The following NBEA variants were observed in gnomAD, a reference collection of about 807,000 sequenced individuals.
NBEA encodes the protein lysosomal-trafficking regulator 2.
In NBEA, 44 loss-of-function variants were observed where a neutral mutation model predicts 343.4. The observed-to-expected ratio is 0.13, with a 90% confidence interval of 0.10 to 0.16. NBEA has a LOEUF of 0.16. Among genes scored for constraint, NBEA ranks in the 10% least tolerant of loss-of-function variants. The pLI is 1.00. For missense variants in NBEA, 2,555 were observed against 3,631.3 expected, an observed-to-expected ratio of 0.70 and a Z score of 7.62; for synonymous variants, 1,175 against 1,238.7, an observed-to-expected ratio of 0.95 and a Z score of 1.08.
chr13:35,129,735 T>C (rs1342763463), intron 17 of NBEA, among the ~76,000 whole-genome samples: 1 of 152,046 alleles, frequency 6.6e-6, no homozygotes, highest in Non-Finnish European at 1.5e-5. Flanking sequence ...ACAAAATTGA[T>C]GAAAGACCTG....
chr13:34,986,643 TC>T lies in NBEA; in HGVS notation c.294+43530del, dbSNP rs2060558660. On this transcript the variant is annotated intron_variant, in intron 1 of 58. Coordinates refer to ENST00000379939, the MANE Select transcript of NBEA (RefSeq NM_001385012.1). ...TAATATTGACAGTAGGGTGTTAAAG[TC>T]TCCCATTATTATTGTGTGGGAGTCT... Among the ~76,000 whole-genome samples the T allele has an allele frequency of 1.3e-5, 2 of 150,818 alleles. 1 individual carries two copies. The highest frequency in any genetic ancestry group is 3.0e-5 in the Non-Finnish European group (2 of 67,382).
rs550344611 is a variant in NBEA, at chr13:35,672,057, G to C, written c.*1066G>C. 6.6e-6 allele frequency: 1 copy of C among 152,474 alleles called. No homozygotes were observed. The highest frequency in any genetic ancestry group is 2.4e-5 in the African/African-American group (1 of 41,422). The allele number at this position is 152,474 out of a possible 1,614,324, so 9.4% of individuals were successfully genotyped here. On this transcript the variant is annotated 3_prime_UTR_variant, in exon 59 of 59. Transcript: ENST00000379939. ...ACTGAAGTTATTCTTTTAGGTTCTC[G>C]TGAAATTCTCACTGAAAGCCACATT...
intron 7 of NBEA, among the ~76,000 whole-genome samples, chr13:35,058,345 T>G (rs1199500685): frequency 6.6e-6 from 1 of 152,180 alleles, no homozygotes; most frequent in Non-Finnish European, 1.5e-5. Context: ...AGTCATTCCC[T>G]TGATTCAGAT....
chr13:34,990,508 G>A (rs1390732489), intron 1 of NBEA, among the ~76,000 whole-genome samples: 2 of 151,028 alleles, frequency 1.3e-5, no homozygotes, highest in Non-Finnish European at 3.0e-5. Context: ...GCTGGAGCTG[G>A]AGAAGCTAGG....
intron 33 of NBEA, among the ~76,000 whole-genome samples, chr13:35,223,370 T>A (rs1049611030): frequency 2.6e-5 from 4 of 152,182 alleles, no homozygotes; most frequent in Admixed American, 2.6e-4. Context: ...AAGGTCTTTA[T>A]TTTACCATCT....
In NBEA at chr13:35,672,059, G is replaced by A. The variant is rs2085636535; in HGVS notation, c.*1068G>A. ...TGAAGTTATTCTTTTAGGTTCTCGT[G>A]AAATTCTCACTGAAAGCCACATTCT... On this transcript the variant is annotated 3_prime_UTR_variant, in exon 59 of 59. Transcript: ENST00000379939. 1 of 152,540 alleles carries A rather than the reference G, an allele frequency of 6.6e-6. No homozygotes were observed. Among genetic ancestry groups the A allele is most frequent in the Admixed American group, 6.5e-5 (1 of 15,274 alleles). The allele number at this position is 152,540 out of a possible 1,614,324, so 9.4% of individuals were successfully genotyped here.
Position 35,566,665 on chromosome 13 carries a change from A to C in NBEA, c.6923-240A>C, listed in dbSNP as rs563459463. Among the ~76,000 whole-genome samples, 25 of 152,328 alleles carry C rather than the reference A, an allele frequency of 1.6e-4. No individual in the cohort carries two copies. In the South Asian group the frequency reaches 1.7e-3, roughly 10 times the overall value. ...TGTGGTGTAACACAGGAAGAGGAGA[A>C]TCAATTACAATAACCAGCCAGTAGC... On this transcript the variant is annotated intron_variant, in intron 44 of 58. Coordinates refer to ENST00000379939, the MANE Select transcript of NBEA (RefSeq NM_001385012.1).
At chr13:35,555,891 C>A (rs1440137965) in intron 44 of NBEA, among the ~76,000 whole-genome samples, 1 of 151,986 alleles carries the variant, frequency 6.6e-6, no homozygotes, top group African/African-American at 2.4e-5. Flanking sequence ...GAGCTGTGTA[C>A]TTCTCTGAAT....
chr13:35,296,705 T>G (rs781448397), intron 35 of NBEA, among the ~76,000 whole-genome samples: 2 of 152,040 alleles, frequency 1.3e-5, no homozygotes, highest in African/African-American at 2.4e-5. Flanking sequence ...TATAAGTTTT[T>G]CAGACAAATT....
chr13:35,482,624 TA>T lies in NBEA; in HGVS notation c.6585+10100del, dbSNP rs1321919310. 1.0e-3 allele frequency among the ~76,000 whole-genome samples: 145 copies of T among 143,568 alleles called. 1 individual carries two copies. Among genetic ancestry groups the T allele is most frequent in the Middle Eastern group, 7.2e-3 (2 of 276 alleles). 94.2% of individuals were successfully genotyped at this position (143,568 alleles called of 152,430 possible). On this transcript the variant is annotated intron_variant, in intron 41 of 58. Transcript: ENST00000379939. Reference sequence around the variant, plus strand: ...TGTAAGATGTAGTGGTGTTCCTGATTAAAAAAAAAAAAGTGGGAACCTAGTG... The same window carrying T: ...TGTAAGATGTAGTGGTGTTCCTGATTAAAAAAAAAAAGTGGGAACCTAGTG...
At chr13:35,557,492 A>C (rs1349106162) in intron 44 of NBEA, among the ~76,000 whole-genome samples, 1 of 152,168 alleles carries the variant, frequency 6.6e-6, no homozygotes, top group Non-Finnish European at 1.5e-5. Flanking sequence ...CAGAGCATGC[A>C]GACTCTGGTG....
intron 1 of NBEA, among the ~76,000 whole-genome samples, chr13:34,988,006 A>G (rs2060618304): frequency 6.6e-6 from 1 of 151,116 alleles, no homozygotes; most frequent in Non-Finnish European, 1.5e-5. Flanking sequence ...TCAGCTCGTC[A>G]AAGTCATTCT....
rs781403517 is a variant in NBEA, at chr13:35,045,417, A to G, written c.723+16A>G. On this transcript the variant is annotated intron_variant, in intron 4 of 58. Transcript: ENST00000379939. ...TAGCGCTGCGGTAAGTTTTAAATAC[A>G]TGTGCTGATTTTTATTTATTTATTT... 2 of 1,553,508 alleles carry G rather than the reference A, an allele frequency of 1.3e-6. 1 individual carries two copies. Among genetic ancestry groups the G allele is most frequent in the South Asian group, 2.4e-5 (2 of 84,890 alleles).
At chr13:35,309,666 A>G (rs1328140786) in intron 36 of NBEA, 74 bp downstream of exon 36, 4 of 757,120 alleles carry the variant, frequency 5.3e-6, no homozygotes, top group African/African-American at 3.7e-5. Context: ...CTTTCCTACC[A>G]TCTGTTCCAA....
chr13:34,943,218 C>T (rs111654222), intron 1 of NBEA, 104 bp downstream of exon 1: 2 of 1,442,198 alleles, frequency 1.4e-6, no homozygotes, highest in Admixed American at 1.8e-5. Flanking sequence ...ACGCGCCGCG[C>T]GTCCCTGGGA....
At chr13:35,609,660 T>G (rs1036470041) in intron 48 of NBEA, among the ~76,000 whole-genome samples, 1 of 152,206 alleles carries the variant, frequency 6.6e-6, no homozygotes, top group African/African-American at 2.4e-5. Flanking sequence ...GACTTTTTTG[T>G]ATTGAAAAGA....
At chr13:35,026,242 C>G (rs1353859593) in intron 1 of NBEA, among the ~76,000 whole-genome samples, 1 of 152,040 alleles carries the variant, frequency 6.6e-6, no homozygotes, top group Non-Finnish European at 1.5e-5. Context: ...CTGAGGCCTC[C>G]CCAGCCATGT....
chr13:35,344,474 A>G (rs1426380167), intron 36 of NBEA, among the ~76,000 whole-genome samples: 1 of 152,034 alleles, frequency 6.6e-6, no homozygotes, highest in African/African-American at 2.4e-5. Flanking sequence ...TAACAAAGAT[A>G]AATGTTTATT....
At chr13:34,984,263 G>GTTATTAAATAGGGAATCCTTTTGT (rs1286974142) in intron 1 of NBEA, among the ~76,000 whole-genome samples, 2 of 152,146 alleles carry the variant, frequency 1.3e-5, no homozygotes, top group Non-Finnish European at 2.9e-5. Flanking sequence ...TGGCTAGCCA[G>GTTATTAAATAGGGAATCCTTTTGT]TTATTAAATA....
Sources: allele counts gnomAD v4.1 joint callset (sites outside exome capture counted in the v4.1 genomes callset), GRCh38; gene constraint gnomAD v4.1.1; transcripts MANE v1.5; gene names NCBI Gene and HGNC (gene_info 2026-07-23, HGNC 2026-07-21).